DNM3: variants seen among roughly 807,000 people sequenced by gnomAD.
DNM3 encodes dynamin 3.
A neutral mutation model predicts 101.6 loss-of-function variants in DNM3; 47 were observed. The ratio of observed to expected loss-of-function variants is 0.46; its 90% CI spans 0.37 to 0.59. DNM3 has a LOEUF of 0.59. Among genes scored for constraint, DNM3 ranks in the 20% least tolerant of loss-of-function variants. DNM3 has a pLI of 0.00. For synonymous variants in DNM3, 385 were observed against 387.9 expected (o/e 0.99, Z 0.09); for missense variants, 849 against 1,085.7 (o/e 0.78, Z 3.06).
intron 10 of DNM3, among the ~76,000 whole-genome samples, chr1:172,052,836 A>G (rs149955872): frequency 0.018 from 2,791 of 152,254 alleles, 39 homozygotes; most frequent in Non-Finnish European, 0.028. Context: ...TAGTTCAACT[A>G]CCACTTAAAA....
intron 14 of DNM3, among the ~76,000 whole-genome samples, chr1:172,220,172 C>G (rs949829108): frequency 6.6e-6 from 1 of 152,168 alleles, no homozygotes; most frequent in Non-Finnish European, 1.5e-5. Context: ...GGGTTGTTTG[C>G]TTCCATACCC....
intron 13 of DNM3, among the ~76,000 whole-genome samples, chr1:172,102,351 TAATAA>T (rs913950657): frequency 2.6e-5 from 4 of 152,158 alleles, no homozygotes; most frequent in African/African-American, 9.7e-5. Flanking sequence ...TATTTTATTA[TAATAA>T]AATAGAGATT....
chr1:172,413,139 T>G (rs1329387839), downstream of DNM3, among the ~76,000 whole-genome samples: 5 of 152,326 alleles, frequency 3.3e-5, no homozygotes, highest in South Asian at 1.0e-3. Flanking sequence ...ATAGCAAATA[T>G]TTTAGCTCCT....
At chr1:171,869,824 A>G (rs190008758) in intron 1 of DNM3, among the ~76,000 whole-genome samples, 19 of 152,368 alleles carry the variant, frequency 1.2e-4, no homozygotes, top group Non-Finnish European at 2.2e-4. Flanking sequence ...TTTCAGTTTA[A>G]TTTAACCTTC....
chr1:172,306,970 A>G (rs1486175962), intron 15 of DNM3, among the ~76,000 whole-genome samples: 1 of 152,218 alleles, frequency 6.6e-6, no homozygotes, highest in Non-Finnish European at 1.5e-5. Context: ...GGCATGGGCA[A>G]GGACTTCATG....
At chr1:172,230,789 C>A (rs1171851740) in intron 14 of DNM3, among the ~76,000 whole-genome samples, 3 of 152,102 alleles carry the variant, frequency 2.0e-5, no homozygotes, top group Non-Finnish European at 2.9e-5. Context: ...CCATATCCTG[C>A]TGCATTTCTT....
chr1:171,935,998 T>C (rs1166446274), intron 2 of DNM3, among the ~76,000 whole-genome samples: 1 of 151,494 alleles, frequency 6.6e-6, no homozygotes, highest in Non-Finnish European at 1.5e-5. Flanking sequence ...TGGAATTTGA[T>C]ATGCCCCCTG....
At chr1:172,130,230 AG>A (rs1284646529) in intron 13 of DNM3, among the ~76,000 whole-genome samples, 1 of 152,238 alleles carries the variant, frequency 6.6e-6, no homozygotes, top group Non-Finnish European at 1.5e-5. Flanking sequence ...GAGGAATTTC[AG>A]TGTAGGACAG....
chr1:172,396,972 A>AT (rs1282688929), intron 20 of DNM3, among the ~76,000 whole-genome samples: 2 of 152,214 alleles, frequency 1.3e-5, no homozygotes, highest in African/African-American at 4.8e-5. Flanking sequence ...TACCATGTGT[A>AT]TTTTTTTAAG....
At chr1:172,282,677 AAGTCAGTCTG>A (rs1339067105) in intron 15 of DNM3, among the ~76,000 whole-genome samples, 3 of 152,188 alleles carry the variant, frequency 2.0e-5, no homozygotes, top group Non-Finnish European at 4.4e-5. Flanking sequence ...ACATATTTAA[AAGTCAGTCTG>A]ACTTTATCTG....
chr1:171,909,490 A>G (rs2039113134), intron 1 of DNM3, among the ~76,000 whole-genome samples: 1 of 152,032 alleles, frequency 6.6e-6, no homozygotes, highest in African/African-American at 2.4e-5. Flanking sequence ...GAAGAATTAG[A>G]AGAGGCATCA....
At chr1:172,073,494 G>A (rs1003133111) in intron 11 of DNM3, among the ~76,000 whole-genome samples, 2 of 151,844 alleles carry the variant, frequency 1.3e-5, no homozygotes, top group Non-Finnish European at 2.9e-5. Context: ...TATAATTATG[G>A]CACATAGACT....
At chr1:171,905,791 C>A (rs2038773608) in intron 1 of DNM3, among the ~76,000 whole-genome samples, 1 of 151,756 alleles carries the variant, frequency 6.6e-6, no homozygotes, top group African/African-American at 2.4e-5. Flanking sequence ...AAGAGCTGGA[C>A]AGATGGGAAA....
intron 17 of DNM3, among the ~76,000 whole-genome samples, chr1:172,335,797 G>T (rs2066396343): frequency 1.3e-5 from 2 of 152,166 alleles, no homozygotes; most frequent in South Asian, 4.1e-4. Flanking sequence ...CTGGATAGGG[G>T]AGGGAAAGAG....
At chr1:172,129,985 G>A (rs182302404) in intron 13 of DNM3, among the ~76,000 whole-genome samples, 48 of 150,106 alleles carry the variant, frequency 3.2e-4, no homozygotes, top group Middle Eastern at 3.4e-3. Context: ...GCTGAAACAG[G>A]GAATCAAGGG....
intron 14 of DNM3, among the ~76,000 whole-genome samples, chr1:172,236,430 C>T (rs1331595917): frequency 6.6e-6 from 1 of 152,100 alleles, no homozygotes; most frequent in Non-Finnish European, 1.5e-5. Flanking sequence ...CTGACCACTT[C>T]TAGTTTTATT....
intron 15 of DNM3, among the ~76,000 whole-genome samples, chr1:172,293,386 C>A (rs1165593568): frequency 6.6e-6 from 1 of 152,206 alleles, no homozygotes; most frequent in African/African-American, 2.4e-5. Flanking sequence ...TTACCTAAGG[C>A]ATAAAATTTC....
chr1:172,113,403 G>T (rs1367322443), intron 13 of DNM3, among the ~76,000 whole-genome samples: 1 of 151,818 alleles, frequency 6.6e-6, no homozygotes, highest in Non-Finnish European at 1.5e-5. Context: ...AGAAACTCAG[G>T]AAGTCGGAGT....
At chr1:172,105,844 G>A (rs1191348718) in intron 13 of DNM3, among the ~76,000 whole-genome samples, 2 of 151,910 alleles carry the variant, frequency 1.3e-5, no homozygotes, top group Admixed American at 1.3e-4. Flanking sequence ...ATTTTAAATA[G>A]GATTTTTCAA....
Sources: gnomAD v4.1 joint callset for allele counts (sites outside exome capture counted in the v4.1 genomes callset) on GRCh38, gnomAD v4.1.1 for gene constraint, MANE v1.5 for transcripts, NCBI Gene and HGNC (gene_info 2026-07-23, HGNC 2026-07-21) for gene names.